Variants in TRIM49 observed in about 807,000 individuals in gnomAD.
TRIM49 encodes the protein tripartite motif containing 49.
TRIM49 carries 5 observed loss-of-function variants against 27.4 expected under a neutral mutation model. That is an observed-to-expected ratio of 0.18 (90% confidence interval 0.10 to 0.38). The LOEUF (loss-of-function observed/expected upper bound fraction) is 0.38. Among genes scored for constraint, TRIM49 ranks in the 10% least tolerant of loss-of-function variants. The pLI is 1.00. For synonymous variants in TRIM49, 69 were observed against 166.0 expected (o/e 0.42, Z 4.49); for missense variants, 188 against 487.5 (o/e 0.39, Z 5.79).
chr11:89,787,521 C>T, the TRIM49 span: 4 of 523,600 alleles, frequency 7.6e-6, no homozygotes, highest in Non-Finnish European at 9.7e-6. Context: ...CTCCCACCTG[C>T]CCCGCTGCCG....
At chr11:89,792,436 T>C in the TRIM49 span, among the ~76,000 whole-genome samples, 1 of 151,182 alleles carries the variant, frequency 6.6e-6, no homozygotes, top group Non-Finnish European at 1.5e-5. Flanking sequence ...ATCAACAGAA[T>C]ATACATTCTT....
chr11:89,793,567 G>GACAT (rs1302736233), downstream of TRIM49, among the ~76,000 whole-genome samples: 25 of 152,018 alleles, frequency 1.6e-4, 1 homozygote, highest in East Asian at 2.4e-3. Flanking sequence ...TGGGATCCAA[G>GACAT]GCTGGTTCAA....
At chr11:89,771,745 T>C in the TRIM49 span, among the ~76,000 whole-genome samples, 1 of 56,900 alleles carries the variant, frequency 1.8e-5, no homozygotes, top group South Asian at 6.1e-4. Flanking sequence ...CTGCTACATC[T>C]CTAAGCACTG....
At chr11:89,803,986 A>G (rs1421312051) in intron 3 of TRIM49, 73 bp downstream of exon 3, 12 of 1,611,590 alleles carry the variant, frequency 7.4e-6, no homozygotes, top group Admixed American at 5.0e-5. Flanking sequence ...GCTTTATCCA[A>G]TCTCCAAGAA....
chr11:89,777,035 G>A, the TRIM49 span: 76 of 1,548,270 alleles, frequency 4.9e-5, 1 homozygote, highest in South Asian at 1.4e-4. Context: ...CTGCATTTGC[G>A]TGAACTACTT....
chr11:89,783,675 T>C, the TRIM49 span, among the ~76,000 whole-genome samples: 1 of 144,948 alleles, frequency 6.9e-6, no homozygotes. Context: ...TCCTATGCAG[T>C]AGAAAGAACA....
chr11:89,794,629 C>A (rs1284851102), downstream of TRIM49, among the ~76,000 whole-genome samples: 2 of 147,052 alleles, frequency 1.4e-5, no homozygotes, highest in African/African-American at 2.5e-5. Context: ...CAAAAACAAG[C>A]AATGGGGAAA....
At chr11:89,784,614 C>A in the TRIM49 span, among the ~76,000 whole-genome samples, 2 of 139,342 alleles carry the variant, frequency 1.4e-5, no homozygotes, top group Non-Finnish European at 3.0e-5. Context: ...AGGGCTCCAA[C>A]CCAGCACTCC....
chr11:89,790,858 G>A, the TRIM49 span, among the ~76,000 whole-genome samples: 2 of 152,098 alleles, frequency 1.3e-5, no homozygotes, highest in Admixed American at 6.5e-5. Flanking sequence ...CCCTCCAAAG[G>A]AATGCAGATC....
chr11:89,793,746 A>C (rs1384912884), downstream of TRIM49, among the ~76,000 whole-genome samples: 1 of 151,956 alleles, frequency 6.6e-6, no homozygotes, highest in East Asian at 2.0e-4. Context: ...AAATAATAAG[A>C]GCTATTTATG....
chr11:89,803,975 G>C lies in TRIM49; in HGVS notation c.411+84C>G, dbSNP rs200812127. 956 of 1,611,380 alleles carry C rather than the reference G, an allele frequency of 5.9e-4. 7 individuals are homozygous for C. The East Asian group carries it at 0.017, about 28-fold the overall frequency. ...GAGCTGCTTAAAGGGACTCAGAGTT[G>C]GCTTTATCCAATCTCCAAGAAAATA... On this transcript the variant is annotated intron_variant, in intron 3 of 7. Coordinates refer to ENST00000329758, the MANE Select transcript of TRIM49 (RefSeq NM_020358.2).
chr11:89,776,929 A>G, the TRIM49 span: 3 of 1,519,956 alleles, frequency 2.0e-6, no homozygotes, highest in South Asian at 2.6e-5. Flanking sequence ...ATCGGGGCAA[A>G]TAAAAATAAG....
At chr11:89,801,179 GA>G (rs1440404231) in intron 5 of TRIM49, among the ~76,000 whole-genome samples, 191 bp from the exon 6 acceptor site, 1 of 149,596 alleles carries the variant, frequency 6.7e-6, no homozygotes, top group Non-Finnish European at 1.5e-5. Context: ...AACGTCCTGG[GA>G]AAGTCTGAGT....
At chr11:89,774,872 T>C in the TRIM49 span, among the ~76,000 whole-genome samples, 1 of 145,790 alleles carries the variant, frequency 6.9e-6, no homozygotes, top group Non-Finnish European at 1.5e-5. Context: ...TTCTTAAGTG[T>C]GAAAAGATAT....
chr11:89,796,751 A>G (rs1487292375), downstream of TRIM49, among the ~76,000 whole-genome samples: 1 of 151,628 alleles, frequency 6.6e-6, no homozygotes, highest in Non-Finnish European at 1.5e-5. Flanking sequence ...TGTTGCATTC[A>G]GTGAGTTATT....
Position 89,800,983 on chromosome 11 carries a change from A to G in TRIM49, c.744T>C (p.Phe248=). The change falls in exon 6 of 8, where the codon TTT becomes TTC. Residue 248 remains phenylalanine, a synonymous_variant. Coordinates refer to ENST00000329758, the MANE Select transcript of TRIM49 (RefSeq NM_020358.2). ...HKPDVELLQA[F]GDILHRSESV... The stretch of plus-strand genomic sequence containing the variant: ...ACACTCACCTGTGTAATATGTCTCC[A>G]AAAGCCTGAAAAAAAAAAAAAGAAG... The G allele has an allele frequency of 3.5e-6, 5 of 1,418,342 alleles. No individual in the cohort carries two copies. Among genetic ancestry groups the G allele is most frequent in the African/African-American group, 1.6e-5 (1 of 60,836 alleles). 87.9% of individuals were successfully genotyped at this position (1,418,342 alleles called of 1,614,324 possible).
At chr11:89,791,315 C>T in the TRIM49 span, among the ~76,000 whole-genome samples, 2 of 152,194 alleles carry the variant, frequency 1.3e-5, no homozygotes, top group African/African-American at 4.8e-5. Context: ...TTGGAAAACA[C>T]TCTGCAGGAT....
At chr11:89,807,439 A>G (rs1482515014) in intron 1 of TRIM49, among the ~76,000 whole-genome samples, 155 bp from the exon 2 acceptor site, 1 of 151,476 alleles carries the variant, frequency 6.6e-6, no homozygotes, top group Admixed American at 6.6e-5. Context: ...GCCTGAATGA[A>G]TCATATGTAA....
rs754979309 is a variant in TRIM49 at position 89,798,435 on chromosome 11, T to A, written c.1054A>T (p.Asn352Tyr). 1.2e-5 allele frequency: 19 copies of A among 1,602,232 alleles called. No individual in the cohort carries two copies. The African/African-American group carries it at 2.5e-4, about 21-fold the overall frequency. ...ATATTACAGACACCAAAAGCCCAATTCCAGGAGTCCCCTACATGGACCTCC... is the reference window on the plus strand; with the variant it reads ...ATATTACAGACACCAAAAGCCCAATACCAGGAGTCCCCTACATGGACCTCC... ...YWEVHVGDSW[N>Y]WAFGVCNMYR... The change falls in exon 8 of 8, where the codon AAT becomes TAT. Residue 352 changes from asparagine to tyrosine, a missense_variant. Physicochemically the swap from Asn to Tyr is moderately radical, Grantham distance 143. Transcript: ENST00000329758.
Sources: allele counts gnomAD v4.1 joint callset (sites outside exome capture counted in the v4.1 genomes callset), GRCh38; gene constraint gnomAD v4.1.1; transcripts MANE v1.5; gene names NCBI Gene and HGNC (gene_info 2026-07-23, HGNC 2026-07-21).